CTNNA2: variants seen among roughly 807,000 people sequenced by gnomAD.
CTNNA2 encodes the protein catenin alpha 2.
In CTNNA2, 42 loss-of-function variants were observed where a neutral mutation model predicts 101.0. The observed-to-expected ratio is 0.42, with a 90% CI of 0.32 to 0.54. CTNNA2 has a LOEUF of 0.54. Ranked by LOEUF, CTNNA2 falls within the 20% of genes least tolerant of loss-of-function variation. The pLI, the probability that CTNNA2 is intolerant of heterozygous loss-of-function variation, is 0.14. For synonymous variants in CTNNA2, 450 were observed against 456.4 expected (o/e 0.99, Z 0.18); for missense variants, 871 against 1,223.1 (o/e 0.71, Z 4.29).
chr2:79,553,342 T>C (rs891832650), intron 1 of CTNNA2, among the ~76,000 whole-genome samples: 1 of 152,194 alleles, frequency 6.6e-6, no homozygotes, highest in African/African-American at 2.4e-5. Flanking sequence ...TGTCTTCTTC[T>C]GAGCCTGCCA....
chr2:80,079,885 T>TAAAATAAA (rs1558788192), intron 7 of CTNNA2, among the ~76,000 whole-genome samples: 33 of 127,558 alleles, frequency 2.6e-4, no homozygotes, highest in Non-Finnish European at 4.9e-5. Context: ...AATAAAATAA[T>TAAAATAAA]AAAATAAAAT....
intron 7 of CTNNA2, among the ~76,000 whole-genome samples, chr2:80,067,990 G>A (rs1432710718): frequency 2.0e-5 from 3 of 152,208 alleles, no homozygotes; most frequent in Non-Finnish European, 4.4e-5. Flanking sequence ...CTAGTCAGCT[G>A]CTCCCTGACT....
intron 3 of CTNNA2, among the ~76,000 whole-genome samples, chr2:79,771,083 T>A (rs1280336128): frequency 1.3e-5 from 2 of 152,228 alleles, no homozygotes; most frequent in African/African-American, 2.4e-5. Flanking sequence ...TTTTGCTTTG[T>A]TTTGATTTTC....
intron 4 of CTNNA2, among the ~76,000 whole-genome samples, chr2:79,438,328 C>G (rs1359232201): frequency 6.6e-6 from 1 of 152,072 alleles, no homozygotes; most frequent in Admixed American, 6.5e-5. Context: ...TAGAAATGGC[C>G]CACCTGGAAC....
In CTNNA2 at chr2:79,770,990, C is replaced by T. The variant is rs115751820; in HGVS notation, c.298+26408C>T. Among the ~76,000 whole-genome samples, 1,091 of 152,292 alleles carry T rather than the reference C, an allele frequency of 7.2e-3. 10 individuals carry two copies. Among genetic ancestry groups the T allele is most frequent in the African/African-American group, 0.025 (1,035 of 41,550 alleles). On this transcript the variant is annotated intron_variant, in intron 3 of 18. Coordinates refer to ENST00000402739, the MANE Select transcript of CTNNA2 (RefSeq NM_001282597.3). ...TAGTGGCAAATCAGGAATTAGAATG[C>T]AGATCAAGCTGGTTGGCCTCTAACC...
chr2:80,115,190 A>G (rs972845907), intron 7 of CTNNA2, among the ~76,000 whole-genome samples: 1 of 152,170 alleles, frequency 6.6e-6, no homozygotes, highest in Non-Finnish European at 1.5e-5. Context: ...CAGTTTTAGT[A>G]CTGTTTCTAT....
chr2:80,490,819 TTG>T (rs1393594291), intron 9 of CTNNA2, among the ~76,000 whole-genome samples: 1 of 152,208 alleles, frequency 6.6e-6, no homozygotes, highest in Non-Finnish European at 1.5e-5. Context: ...CACTACATCT[TTG>T]TGTTATGCCC....
intron 2 of CTNNA2, among the ~76,000 whole-genome samples, chr2:79,688,502 G>A (rs1022269932): frequency 2.0e-5 from 3 of 151,818 alleles, no homozygotes; most frequent in Admixed American, 1.3e-4. Context: ...ATCACTATAT[G>A]TATATATGTA....
chr2:80,513,572 A>T (rs541638678), intron 9 of CTNNA2, among the ~76,000 whole-genome samples: 1 of 152,326 alleles, frequency 6.6e-6, no homozygotes, highest in African/African-American at 2.4e-5. Flanking sequence ...GTCAGGATAA[A>T]TTAGGTTATG....
chr2:79,512,197 A>T (rs1006803943), upstream of CTNNA2, among the ~76,000 whole-genome samples: 1 of 152,288 alleles, frequency 6.6e-6, no homozygotes, highest in Admixed American at 6.5e-5. Context: ...CCCCAACTAC[A>T]GTATAACCTC....
At position 79,630,534 on chromosome 2, in the gene CTNNA2, T is replaced by C. The variant is rs1383778297; in HGVS notation, c.-5-21018T>C. Among the ~76,000 whole-genome samples the C allele has an allele frequency of 2.6e-5, 4 of 152,336 alleles. No individual in the cohort carries two copies. In the East Asian group the frequency reaches 7.7e-4, roughly 29 times the overall value. On this transcript the variant is annotated intron_variant, in intron 1 of 18. Transcript: ENST00000402739. ...ACAGTATGTACACTGGTCCCAATTATAAAGAAAAACTTTCAGTATACATAA... is the reference window on the plus strand; with the variant it reads ...ACAGTATGTACACTGGTCCCAATTACAAAGAAAAACTTTCAGTATACATAA...
At chr2:79,289,848 T>C (rs1248490753) in intron 2 of CTNNA2, among the ~76,000 whole-genome samples, 3 of 152,224 alleles carry the variant, frequency 2.0e-5, no homozygotes, top group Non-Finnish European at 4.4e-5. Flanking sequence ...ACATCCAATA[T>C]AATACTTAGG....
rs147162967 is a variant in CTNNA2 at position 79,529,643 on chromosome 2, G to T, written c.-6+16436G>T. ...TTAATGGGAAAGAAAGAGAGGAATC[G>T]TATGAGGGTATTTACCTCTGAAGTC... is the stretch of plus-strand genomic sequence containing the variant. On this transcript the variant is annotated intron_variant, in intron 1 of 18. Transcript: ENST00000402739. Among the ~76,000 whole-genome samples, 640 of 151,932 alleles carry T rather than the reference G, an allele frequency of 4.2e-3. 4 individuals carry two copies. The highest frequency in any genetic ancestry group is 0.015 in the African/African-American group (601 of 41,442).
chr2:79,597,869 A>C (rs566679284), intron 1 of CTNNA2, among the ~76,000 whole-genome samples: 3 of 152,318 alleles, frequency 2.0e-5, no homozygotes, highest in East Asian at 1.9e-4. Flanking sequence ...GTATAATAAC[A>C]TGTGTCTACC....
chr2:80,129,763 C>T (rs1702314718), intron 7 of CTNNA2, among the ~76,000 whole-genome samples: 1 of 152,154 alleles, frequency 6.6e-6, no homozygotes, highest in Admixed American at 6.5e-5. Flanking sequence ...TTCTGATCCA[C>T]ATAACTGGTA....
At chr2:79,948,588 ATTAG>A (rs1360203846) in intron 7 of CTNNA2, among the ~76,000 whole-genome samples, 3 of 152,198 alleles carry the variant, frequency 2.0e-5, no homozygotes, top group African/African-American at 7.2e-5. Flanking sequence ...AGCTCTGACA[ATTAG>A]TTAGAAGAAA....
chr2:80,480,470 A>G (rs370434622), intron 9 of CTNNA2, among the ~76,000 whole-genome samples: 15 of 152,120 alleles, frequency 9.9e-5, no homozygotes, highest in Admixed American at 1.3e-4. Context: ...TCCTATGTTT[A>G]TCTCATCATG....
intron 3 of CTNNA2, among the ~76,000 whole-genome samples, chr2:79,792,657 T>G (rs2105259660): frequency 6.6e-6 from 1 of 152,286 alleles, no homozygotes; most frequent in Non-Finnish European, 1.5e-5. Context: ...TGAAGAGATC[T>G]CAGACTTTAG....
At chr2:80,580,333 T>C (rs1695418157) in intron 13 of CTNNA2, among the ~76,000 whole-genome samples, 1 of 152,204 alleles carries the variant, frequency 6.6e-6, no homozygotes, top group African/African-American at 2.4e-5. Context: ...CTTTTCCTTA[T>C]CACTGACTTT....
Sources: gnomAD v4.1 joint callset for allele counts (sites outside exome capture counted in the v4.1 genomes callset) on GRCh38, gnomAD v4.1.1 for gene constraint, MANE v1.5 for transcripts, NCBI Gene and HGNC (gene_info 2026-07-23, HGNC 2026-07-21) for gene names.